Variants in GRB10 observed in about 807,000 individuals in gnomAD.
The protein encoded by GRB10 is growth factor receptor bound protein 10.
Under a neutral mutation model 80.9 loss-of-function variants are expected in GRB10, and 20 were observed. The ratio of observed to expected loss-of-function variants is 0.25; its 90% CI spans 0.17 to 0.36. The LOEUF (loss-of-function observed/expected upper bound fraction) is 0.36. Among genes scored for constraint, GRB10 ranks in the 10% least tolerant of loss-of-function variants. GRB10 has a pLI of 1.00. For synonymous variants in GRB10, 291 were observed against 291.5 expected (o/e 1.00, Z 0.02); for missense variants, 548 against 747.7 (o/e 0.73, Z 3.12).
intron 5 of GRB10, among the ~76,000 whole-genome samples, chr7:50,675,913 T>G (rs1488360488): frequency 1.3e-5 from 2 of 152,182 alleles, no homozygotes; most frequent in Non-Finnish European, 2.9e-5. Flanking sequence ...CAGGGAAGAT[T>G]GGTAAAACAT....
At chr7:50,612,454 C>A (rs981192599) in intron 13 of GRB10, among the ~76,000 whole-genome samples, 6 of 152,112 alleles carry the variant, frequency 3.9e-5, no homozygotes, top group Non-Finnish European at 8.8e-5. Flanking sequence ...AAGTGGCCTG[C>A]AATGCTTGGA....
intron 3 of GRB10, among the ~76,000 whole-genome samples, chr7:50,745,718 G>A (rs1229294994): frequency 2.0e-5 from 3 of 152,270 alleles, no homozygotes; most frequent in East Asian, 1.9e-4. Context: ...AACTAAATGC[G>A]CTCCAAAGTC....
intron 4 of GRB10, among the ~76,000 whole-genome samples, chr7:50,725,175 C>T (rs886293503): frequency 1.3e-5 from 2 of 152,166 alleles, no homozygotes; most frequent in Non-Finnish European, 2.9e-5. Context: ...TGGTAGGTGA[C>T]GGGATCACAG....
At chr7:50,733,942 C>G (rs1253384516) in intron 3 of GRB10, among the ~76,000 whole-genome samples, 3 of 152,176 alleles carry the variant, frequency 2.0e-5, no homozygotes, top group Non-Finnish European at 4.4e-5. Context: ...AAGAATTTAG[C>G]TTAAGACTGT....
At chr7:50,611,873 A>G (rs2049595639) in intron 13 of GRB10, among the ~76,000 whole-genome samples, 1 of 152,226 alleles carries the variant, frequency 6.6e-6, no homozygotes. Flanking sequence ...TGACTAAACG[A>G]ACATCTCCTA....
At chr7:50,596,923 G>C (rs545804210) in intron 17 of GRB10, among the ~76,000 whole-genome samples, 1 of 152,254 alleles carries the variant, frequency 6.6e-6, no homozygotes, top group East Asian at 1.9e-4. Context: ...TGAAAAGATA[G>C]TTATACATCA....
intron 7 of GRB10, among the ~76,000 whole-genome samples, chr7:50,646,076 C>CCCAT (rs1266746268): frequency 6.6e-6 from 1 of 152,190 alleles, no homozygotes; most frequent in Non-Finnish European, 1.5e-5. Flanking sequence ...CATCCACAAC[C>CCCAT]CCATTCATGA....
rs142948075 is a variant in GRB10 at position 50,617,471 on chromosome 7, G to A, written c.846+600C>T. ...CCCATTCCCCACTCCCAGCTTCCCC[G>A]GAGGAGTGTGTGTGAGAGCTGGGCA... On this transcript the variant is annotated intron_variant, in intron 10 of 18. Transcript: ENST00000401949. 1.5e-3 allele frequency among the ~76,000 whole-genome samples: 234 copies of A among 152,270 alleles called. 2 individuals are homozygous for A. Among genetic ancestry groups the A allele is most frequent in the African/African-American group, 5.3e-3 (219 of 41,558 alleles).
intron 7 of GRB10, among the ~76,000 whole-genome samples, chr7:50,636,991 G>GT (rs1430517369): frequency 6.6e-6 from 1 of 152,046 alleles, no homozygotes; most frequent in Admixed American, 6.5e-5. Context: ...TTTTGTTTTT[G>GT]TTTTTTGGTA....
At chr7:50,658,779 A>G (rs1311063592) in intron 7 of GRB10, among the ~76,000 whole-genome samples, 6 of 152,220 alleles carry the variant, frequency 3.9e-5, no homozygotes, top group African/African-American at 1.4e-4. Context: ...AGATTCCTGC[A>G]CTGATTTCCT....
chr7:50,601,035 A>G (rs2047503953), intron 17 of GRB10, among the ~76,000 whole-genome samples: 1 of 152,252 alleles, frequency 6.6e-6, no homozygotes, highest in African/African-American at 2.4e-5. Context: ...TACATAAAAG[A>G]AAACCCAAGA....
At chr7:50,719,323 T>C (rs755138143) in intron 4 of GRB10, among the ~76,000 whole-genome samples, 29 of 152,064 alleles carry the variant, frequency 1.9e-4, no homozygotes, top group Non-Finnish European at 3.2e-4. Context: ...CAAAAGAATA[T>C]CACTGCAGGC....
chr7:50,714,533 G>A (rs532669481), intron 4 of GRB10, among the ~76,000 whole-genome samples: 10 of 152,088 alleles, frequency 6.6e-5, no homozygotes, highest in African/African-American at 2.2e-4. Flanking sequence ...TGTGGTGGCG[G>A]GCGCCTGTAG....
chr7:50,595,785 T>C (rs2046542470), intron 17 of GRB10: 1 of 452,014 alleles, frequency 2.2e-6, no homozygotes, highest in Non-Finnish European at 4.1e-6. Flanking sequence ...TATGCCTGAC[T>C]ACAGGGTTAG....
At chr7:50,595,791 G>T in intron 17 of GRB10, 1 of 428,324 alleles carries the variant, frequency 2.3e-6, no homozygotes, top group Non-Finnish European at 4.3e-6. Context: ...TGACTACAGG[G>T]TTAGGGCAGG....
intron 5 of GRB10, among the ~76,000 whole-genome samples, chr7:50,677,902 C>T (rs1327879460): frequency 6.6e-6 from 1 of 152,182 alleles, no homozygotes; most frequent in African/African-American, 2.4e-5. Flanking sequence ...TGCTGTGGGG[C>T]CACTCTGCCA....
chr7:50,664,485 G>A (rs1170974808), intron 7 of GRB10, among the ~76,000 whole-genome samples: 2 of 152,144 alleles, frequency 1.3e-5, no homozygotes, highest in African/African-American at 2.4e-5. Context: ...GGGGCAGGGG[G>A]GACAGCTCTG....
chr7:50,714,674 C>A (rs148202885), intron 4 of GRB10, among the ~76,000 whole-genome samples: 2 of 139,368 alleles, frequency 1.4e-5, no homozygotes, highest in East Asian at 2.1e-4. Flanking sequence ...AAAAAAAAAA[C>A]AAAAAACGGA....
At chr7:50,679,423 C>G (rs1368874298) in intron 5 of GRB10, among the ~76,000 whole-genome samples, 2 of 152,162 alleles carry the variant, frequency 1.3e-5, no homozygotes, top group African/African-American at 4.8e-5. Context: ...CCACCTTCAC[C>G]AATACATTTC....
Sources: allele counts gnomAD v4.1 joint callset (sites outside exome capture counted in the v4.1 genomes callset), GRCh38; gene constraint gnomAD v4.1.1; transcripts MANE v1.5; gene names NCBI Gene and HGNC (gene_info 2026-07-23, HGNC 2026-07-21).